The following TMTC1 variants were observed in gnomAD, a reference collection of about 807,000 sequenced individuals.
The protein encoded by TMTC1 is transmembrane O-mannosyltransferase targeting cadherins 1, also known as protein O-mannosyl-transferase TMTC1.
In TMTC1, 73 loss-of-function variants were observed where a neutral mutation model predicts 104.8. The ratio of observed to expected loss-of-function variants is 0.70; its 90% confidence interval spans 0.58 to 0.85. The LOEUF (loss-of-function observed/expected upper bound fraction) is 0.85, where lower values mean the gene tolerates loss of function less well. Ranked by LOEUF, TMTC1 falls within the 40% of genes least tolerant of loss-of-function variation. TMTC1 has a pLI of 0.00. For missense variants in TMTC1, 1,035 were observed against 1,096.1 expected, an observed-to-expected ratio of 0.94 and a Z score of 0.79; for synonymous variants, 434 against 428.7, an observed-to-expected ratio of 1.01 and a Z score of -0.15.
chr12:29,617,322 C>T (rs994172), intron 6 of TMTC1, among the ~76,000 whole-genome samples: 36,361 of 151,770 alleles, frequency 0.24, 4,970 homozygotes, highest in East Asian at 0.37. Context: ...TTCCCATCCT[C>T]ATCAATGGTT....
At chr12:29,642,179 C>T (rs539533332) in intron 5 of TMTC1, among the ~76,000 whole-genome samples, 3 of 152,236 alleles carry the variant, frequency 2.0e-5, no homozygotes, top group South Asian at 2.1e-4. Context: ...GGGGAATAAT[C>T]GAGGAAAACT....
At chr12:29,784,323 G>C (rs573656980), upstream of TMTC1, 1 of 152,370 alleles carries the variant, frequency 6.6e-6, no homozygotes, top group Admixed American at 6.5e-5. Context: ...AGGGAGAAAA[G>C]TGCCGCTGCT....
chr12:29,574,800 A>C (rs1945777435), intron 8 of TMTC1, among the ~76,000 whole-genome samples: 1 of 152,214 alleles, frequency 6.6e-6, no homozygotes, highest in South Asian at 2.1e-4. Context: ...ATCCAGATAC[A>C]GTGAAACTGG....
intron 7 of TMTC1, among the ~76,000 whole-genome samples, chr12:29,586,174 C>T (rs9738399): frequency 0.19 from 28,458 of 151,938 alleles, 3,106 homozygotes; most frequent in East Asian, 0.38. Flanking sequence ...AAGTTGGATT[C>T]CTAGGTATTT....
chr12:29,740,864 A>G (rs1329333261), intron 5 of TMTC1, among the ~76,000 whole-genome samples: 1 of 152,222 alleles, frequency 6.6e-6, no homozygotes, highest in East Asian at 1.9e-4. Context: ...AGGCAAAAAT[A>G]TAAATGTTTT....
At chr12:29,575,767 C>A (rs34020170) in intron 8 of TMTC1, among the ~76,000 whole-genome samples, 31,078 of 152,094 alleles carry the variant, frequency 0.2, 3,429 homozygotes, top group East Asian at 0.39. Flanking sequence ...TACCCGAGGA[C>A]GGATTGCTGG....
At chr12:29,599,326 C>T (rs1476369474) in intron 7 of TMTC1, among the ~76,000 whole-genome samples, 1 of 152,200 alleles carries the variant, frequency 6.6e-6, no homozygotes, top group East Asian at 1.9e-4. Context: ...ATCTGCAAAA[C>T]TGGCTTTGTC....
intron 9 of TMTC1, among the ~76,000 whole-genome samples, chr12:29,560,488 G>C (rs192279193): frequency 6.9e-4 from 105 of 152,210 alleles, no homozygotes; most frequent in African/African-American, 1.7e-3. Flanking sequence ...GCCGGGTGAG[G>C]TGGCTCATGC....
chr12:29,651,376 T>C (rs1336749508), intron 5 of TMTC1, among the ~76,000 whole-genome samples: 1 of 152,158 alleles, frequency 6.6e-6, no homozygotes, highest in Admixed American at 6.5e-5. Flanking sequence ...GTGGGGCTAT[T>C]GATGGAATAA....
intron 1 of TMTC1, chr12:29,782,965 C>A (rs528518197): frequency 4.6e-5 from 7 of 153,068 alleles, no homozygotes; most frequent in Non-Finnish European, 7.3e-5. Context: ...TCAAGGCTCC[C>A]GCCTCGTCTC....
intron 5 of TMTC1, among the ~76,000 whole-genome samples, chr12:29,674,132 G>T (rs994183730): frequency 6.6e-6 from 1 of 152,140 alleles, no homozygotes; most frequent in African/African-American, 2.4e-5. Flanking sequence ...CACAGAGGCA[G>T]CTGGTGTGGT....
At chr12:29,670,204 A>G (rs889581259) in intron 5 of TMTC1, among the ~76,000 whole-genome samples, 1 of 152,254 alleles carries the variant, frequency 6.6e-6, no homozygotes, top group African/African-American at 2.4e-5. Context: ...GGATACATGG[A>G]TGGATAAATT....
intron 3 of TMTC1, 102 bp downstream of exon 3, chr12:29,758,602 C>T (rs1232753252): frequency 4.3e-6 from 5 of 1,156,214 alleles, no homozygotes; most frequent in Non-Finnish European, 6.4e-6. Context: ...TCTTGCTTAG[C>T]ATTTCACAAC....
intron 5 of TMTC1, among the ~76,000 whole-genome samples, chr12:29,722,783 T>C (rs1158317843): frequency 6.6e-6 from 1 of 151,570 alleles, no homozygotes; most frequent in East Asian, 1.9e-4. Flanking sequence ...CAGCAGGGTG[T>C]GGTGGCACGC....
At chr12:29,557,425 T>A (rs1469846724) in intron 9 of TMTC1, among the ~76,000 whole-genome samples, 1 of 152,172 alleles carries the variant, frequency 6.6e-6, no homozygotes, top group Admixed American at 6.5e-5. Flanking sequence ...TGAGGAGGAA[T>A]CTTCATAAAC....
chr12:29,578,296 T>C (rs1945880577), intron 8 of TMTC1, among the ~76,000 whole-genome samples: 2 of 152,094 alleles, frequency 1.3e-5, no homozygotes. Flanking sequence ...TTTTCTGCTA[T>C]GTTTTTCTAG....
chr12:29,649,437 G>C (rs1321645474), intron 5 of TMTC1, among the ~76,000 whole-genome samples: 2 of 152,222 alleles, frequency 1.3e-5, no homozygotes, highest in Non-Finnish European at 2.9e-5. Context: ...AAAGGAGAGA[G>C]GAGGTAAGTA....
intron 5 of TMTC1, 97 bp downstream of exon 5, chr12:29,751,569 T>C: frequency 7.8e-7 from 1 of 1,275,080 alleles, no homozygotes; most frequent in Non-Finnish European, 1.1e-6. Context: ...GGTCACAGTG[T>C]GCTGACTCAG....
At chr12:29,523,740 C>A (rs1200129463) in intron 11 of TMTC1, among the ~76,000 whole-genome samples, 1 of 151,886 alleles carries the variant, frequency 6.6e-6, no homozygotes, top group Non-Finnish European at 1.5e-5. Context: ...GTACAGGGGA[C>A]CTCTCTGTGT....
Sources: gnomAD v4.1 joint callset for allele counts (sites outside exome capture counted in the v4.1 genomes callset) on GRCh38, gnomAD v4.1.1 for gene constraint, MANE v1.5 for transcripts, NCBI Gene and HGNC (gene_info 2026-07-23, HGNC 2026-07-21) for gene names.